Variants in CLEC4A observed in about 807,000 individuals in gnomAD.
CLEC4A encodes the protein C-type lectin domain family 4 member A.
In CLEC4A, 27 loss-of-function variants were observed where a neutral mutation model predicts 32.7. The observed-to-expected ratio is 0.83, with a 90% CI of 0.61 to 1.14. The LOEUF is 1.14. Among genes scored for constraint, CLEC4A ranks in the 50% most tolerant of loss-of-function variants. The pLI, the probability that CLEC4A is intolerant of heterozygous loss-of-function variation, is 0.00. For synonymous variants in CLEC4A, 89 were observed against 93.7 expected (o/e 0.95, Z 0.29); for missense variants, 253 against 274.6 (o/e 0.92, Z 0.55).
chr12:8,130,116 G>A (rs1304062584), intron 3 of CLEC4A, among the ~76,000 whole-genome samples: 6 of 152,312 alleles, frequency 3.9e-5, no homozygotes, highest in Middle Eastern at 3.4e-3. Flanking sequence ...GATTATAGGC[G>A]TGAGCCACGG....
intron 3 of CLEC4A, chr12:8,134,002 C>T: frequency 6.2e-7 from 1 of 1,606,414 alleles, no homozygotes; most frequent in Admixed American, 1.7e-5. Context: ...ATCGCTTGCC[C>T]TTCTGGCGCC....
chr12:8,118,305 G>A, the CLEC4A span, among the ~76,000 whole-genome samples: 2 of 151,870 alleles, frequency 1.3e-5, no homozygotes, highest in Admixed American at 6.6e-5. Context: ...ACATACAATG[G>A]AATATTATTT....
At chr12:8,112,763 A>G in the CLEC4A span, among the ~76,000 whole-genome samples, 2 of 152,092 alleles carry the variant, frequency 1.3e-5, no homozygotes, top group African/African-American at 4.8e-5. Flanking sequence ...TTTAAGTTAA[A>G]TTCCTGGCTC....
chr12:8,134,254 C>T, intron 3 of CLEC4A: 2 of 1,612,402 alleles, frequency 1.2e-6, no homozygotes, highest in South Asian at 1.1e-5. Context: ...GCAAGGGCCG[C>T]AGCTCACACA....
chr12:8,129,640 A>G (rs1947962430), intron 3 of CLEC4A, among the ~76,000 whole-genome samples: 1 of 151,932 alleles, frequency 6.6e-6, no homozygotes, highest in East Asian at 1.9e-4. Flanking sequence ...AAAGCACAAA[A>G]ATTAGCTAGG....
At chr12:8,128,271 G>C (rs770940794) in intron 2 of CLEC4A, among the ~76,000 whole-genome samples, 2 of 152,218 alleles carry the variant, frequency 1.3e-5, no homozygotes, top group Admixed American at 6.5e-5. Context: ...AAGTCAAATA[G>C]GAAGAGGACT....
At chr12:8,130,260 T>C (rs1947976098) in intron 3 of CLEC4A, among the ~76,000 whole-genome samples, 1 of 152,232 alleles carries the variant, frequency 6.6e-6, no homozygotes, top group South Asian at 2.1e-4. Flanking sequence ...GAACTTTCTA[T>C]ACACATTTGC....
At chr12:8,103,130 T>A in the CLEC4A span, among the ~76,000 whole-genome samples, 26 of 152,254 alleles carry the variant, frequency 1.7e-4, no homozygotes, top group African/African-American at 5.8e-4. Context: ...TCTGATAACC[T>A]CCTAGGCAGT....
At chr12:8,134,577 GT>G (rs1345922147) in intron 3 of CLEC4A, 4 of 1,613,312 alleles carry the variant, frequency 2.5e-6, no homozygotes, top group Non-Finnish European at 3.4e-6. Context: ...AGGCTGAGAG[GT>G]CTCCAAGCCG....
intron 2 of CLEC4A, among the ~76,000 whole-genome samples, chr12:8,126,459 G>A (rs1947904119): frequency 6.7e-6 from 1 of 149,840 alleles, no homozygotes; most frequent in Non-Finnish European, 1.5e-5. Flanking sequence ...GGCTCAAGCA[G>A]TCTGCCTACC....
chr12:8,128,412 C>CT (rs71042335), intron 2 of CLEC4A, among the ~76,000 whole-genome samples: 31 of 134,358 alleles, frequency 2.3e-4, no homozygotes, highest in African/African-American at 4.5e-4. Context: ...AGTTCAATTT[C>CT]TTTTTTTTTT....
chr12:8,110,960 G>A, the CLEC4A span, among the ~76,000 whole-genome samples: 7 of 151,260 alleles, frequency 4.6e-5, no homozygotes, highest in Non-Finnish European at 1.0e-4. Flanking sequence ...TACAAGCTCC[G>A]TCTCCCAGGT....
At chr12:8,134,812 G>T (rs749124196) in intron 3 of CLEC4A, 35 of 1,551,034 alleles carry the variant, frequency 2.3e-5, no homozygotes, top group South Asian at 4.8e-5. Flanking sequence ...CCGCCTGGAG[G>T]GGGTGAGAAG....
the CLEC4A span, among the ~76,000 whole-genome samples, chr12:8,115,581 G>A: frequency 3.9e-5 from 6 of 152,130 alleles, no homozygotes; most frequent in Non-Finnish European, 8.8e-5. Context: ...AGGATATCTT[G>A]TAAAACGGTG....
intron 3 of CLEC4A, chr12:8,134,909 T>C: frequency 6.9e-7 from 1 of 1,444,216 alleles, no homozygotes; most frequent in Non-Finnish European, 9.1e-7. Flanking sequence ...TATCTTCTAG[T>C]TCTTTGCTGA....
At chr12:8,112,154 G>A in the CLEC4A span, among the ~76,000 whole-genome samples, 6 of 151,982 alleles carry the variant, frequency 3.9e-5, no homozygotes, top group African/African-American at 1.5e-4. Flanking sequence ...TTTTAGTAGC[G>A]ATGGGGTTTC....
chr12:8,116,420 A>G, the CLEC4A span, among the ~76,000 whole-genome samples: 4 of 152,194 alleles, frequency 2.6e-5, no homozygotes, highest in African/African-American at 9.7e-5. Context: ...GTATACATTA[A>G]GGGCCGAGTA....
intron 1 of CLEC4A, among the ~76,000 whole-genome samples, chr12:8,124,439 G>C (rs905417966): frequency 2.0e-5 from 3 of 152,184 alleles, no homozygotes. Flanking sequence ...GTAACAAAAG[G>C]CCTTTGCAAA....
In CLEC4A at chr12:8,134,770, C is replaced by T. The variant is rs763389075; in HGVS notation, c.299-815C>T. On this transcript the variant is annotated intron_variant, in intron 3 of 5. Transcript: ENST00000229332. ...AGCCAGGTCCGAGGATCAACCCAGC[C>T]CGGCTCCGGCCCCCCTGGCCCATCA... is the stretch of plus-strand genomic sequence containing the variant. 8 of 1,554,624 alleles carry T rather than the reference C, an allele frequency of 5.1e-6. No homozygotes were observed. In the Admixed American group the frequency reaches 1.4e-4, roughly 26 times the overall value.
Sources: allele counts gnomAD v4.1 joint callset (sites outside exome capture counted in the v4.1 genomes callset), GRCh38; gene constraint gnomAD v4.1.1; transcripts MANE v1.5; gene names NCBI Gene and HGNC (gene_info 2026-07-23, HGNC 2026-07-21).